The following EDRF1 variants were observed in gnomAD, a reference collection of about 807,000 sequenced individuals.
The protein encoded by EDRF1 is erythroid differentiation-related factor 1.
In EDRF1, 69 loss-of-function variants were observed where a neutral mutation model predicts 148.7. The observed-to-expected ratio is 0.46, with a 90% CI of 0.38 to 0.57. The LOEUF (loss-of-function observed/expected upper bound fraction) is 0.57, where lower values mean the gene tolerates loss of function less well. Ranked by LOEUF, EDRF1 falls within the 20% of genes least tolerant of loss-of-function variation. EDRF1 has a pLI of 0.00. For missense variants in EDRF1, 1,118 were observed against 1,478.7 expected (o/e 0.76, Z 4.00); for synonymous variants, 515 against 532.8 (o/e 0.97, Z 0.46).
chr10:125,737,950 A>G lies in EDRF1; in HGVS notation c.1791A>G (p.Thr597=). 1.9e-6 allele frequency: 3 copies of G among 1,614,056 alleles called. No homozygotes were observed. The highest frequency in any genetic ancestry group is 1.3e-5 in the African/African-American group (1 of 75,058). Residue 597 remains threonine, a synonymous_variant, in exon 14 of 25, where the codon ACA becomes ACG. Coordinates refer to ENST00000356792, the MANE Select transcript of EDRF1 (RefSeq NM_001202438.2). ...PSCAFPVCHD[T]EERCRLVLSY... ...GTGCATTTCCAGTTTGCCATGACAC[A>G]GAAGAGCGCTGTAGACTTGTGCTTA...
chr10:125,729,205 A>T, intron 7 of EDRF1, 101 bp downstream of exon 7: 1 of 1,443,524 alleles, frequency 6.9e-7, no homozygotes, highest in Non-Finnish European at 9.4e-7. Flanking sequence ...ACTCCACTTG[A>T]TCCTGAAACT....
Position 125,749,569 on chromosome 10 carries a change from A to G in EDRF1, c.3277+4A>G. On this transcript the variant is annotated splice_donor_region_variant and intron_variant, in intron 22 of 24. Coordinates refer to ENST00000356792, the MANE Select transcript of EDRF1 (RefSeq NM_001202438.2). Reference sequence around the variant, plus strand: ...TTTGCTGAATTTCAGATGACCAGTAAGTCTTAATTTTCATTTCTCAGATAT... The same window carrying G: ...TTTGCTGAATTTCAGATGACCAGTAGGTCTTAATTTTCATTTCTCAGATAT... 1 of 1,613,928 alleles carries G rather than the reference A, an allele frequency of 6.2e-7. No individual in the cohort carries two copies.
At chr10:125,762,425 A>G (rs1850234715) in intron 24 of EDRF1, among the ~76,000 whole-genome samples, 1 of 152,010 alleles carries the variant, frequency 6.6e-6, no homozygotes, top group Non-Finnish European at 1.5e-5. Context: ...GACACTGAAA[A>G]GAGTTGTGGA....
chr10:125,737,875 A>G, intron 13 of EDRF1, 43 bp from the exon 14 acceptor site: 1 of 1,572,570 alleles, frequency 6.4e-7, no homozygotes, highest in Non-Finnish European at 8.7e-7. Flanking sequence ...GTTGACCTTA[A>G]TACATTGGTA....
At chr10:125,721,111 C>A in intron 1 of EDRF1, 93 bp from the exon 2 acceptor site, 1 of 1,223,376 alleles carries the variant, frequency 8.2e-7, no homozygotes, top group Non-Finnish European at 1.2e-6. Flanking sequence ...CCTTGTGAAG[C>A]CTGGTGTGAC....
At chr10:125,728,946 G>A in intron 6 of EDRF1, 57 bp from the exon 7 acceptor site, 1 of 1,377,916 alleles carries the variant, frequency 7.3e-7, no homozygotes. Context: ...TCAAAAGTGG[G>A]TCAATTTTAA....
intron 16 of EDRF1, 24 bp from the exon 17 acceptor site, chr10:125,740,977 C>G: frequency 6.2e-7 from 1 of 1,609,166 alleles, no homozygotes; most frequent in Non-Finnish European, 8.5e-7. Flanking sequence ...TGTGTTTTTT[C>G]TTCTTCCCTC....
chr10:125,729,062 A>G lies in EDRF1; in HGVS notation c.852A>G (p.Glu284=). 6.3e-7 allele frequency: 1 copy of G among 1,580,316 alleles called. No individual in the cohort carries two copies. The highest frequency in any genetic ancestry group is 8.5e-7 in the Non-Finnish European group (1 of 1,170,566). The change falls in exon 7 of 25, where the codon GAA becomes GAG. Residue 284 remains glutamate (E), a synonymous_variant. Transcript: ENST00000356792. ...GGCATGTGGCCTCAGCCCCCAAAGA[A>G]CAAAACCTGATTACTTTATTCAATG... ...IVGHVASAPK[E]QNLITLFNDG... is the part of the protein sequence containing the mutation.
At chr10:125,719,944 A>G (rs751426250) in intron 1 of EDRF1, 29 bp downstream of exon 1, 3 of 1,596,346 alleles carry the variant, frequency 1.9e-6, no homozygotes, top group Non-Finnish European at 2.6e-6. Context: ...GGGACCTGCC[A>G]GGGATGTGGG....
rs954776919 is a variant in EDRF1 at position 125,732,575 on chromosome 10, T to C, written c.1129-829T>C. On this transcript the variant is annotated intron_variant, in intron 9 of 24. Coordinates refer to ENST00000356792, the MANE Select transcript of EDRF1 (RefSeq NM_001202438.2). ...ATAGGGGTAAAAATAGAAGGGCATT[T>C]AGAGAGAGAGAAGGAGAACAAGAAT... Among the ~76,000 whole-genome samples, 3 of 152,040 alleles carry C rather than the reference T, an allele frequency of 2.0e-5. No homozygotes were observed. The East Asian group carries it at 5.8e-4, about 29-fold the overall frequency.
intron 2 of EDRF1, among the ~76,000 whole-genome samples, chr10:125,722,535 G>A (rs888152237): frequency 3.9e-5 from 6 of 152,166 alleles, no homozygotes; most frequent in African/African-American, 4.8e-5. Flanking sequence ...CAGGTGGTAC[G>A]TGGCATCAGT....
In EDRF1 at chr10:125,763,034, CAAG is replaced by C. The variant is rs1341664946; in HGVS notation, c.3546-265_3546-263del. On this transcript the variant is annotated intron_variant, in intron 24 of 24. Transcript: ENST00000356792. This position sits in a 1 kb window ranked among gnomAD's most constrained non-coding sequence, Gnocchi z 4.3. ...TCTTTTTGCCTGTTTTGTTCTCTGT[CAAG>C]AGCAATTCCTAGTACATAATAGGCA... Among the ~76,000 whole-genome samples, 3 of 152,024 alleles carry C rather than the reference CAAG, an allele frequency of 2.0e-5. No homozygotes were observed. Among genetic ancestry groups the C allele is most frequent in the Admixed American group, 2.0e-4 (3 of 15,262 alleles).
In EDRF1 at chr10:125,735,778, C is replaced by T; in HGVS notation, c.1632C>T (p.Asp544=). 6.2e-7 allele frequency: 1 copy of T among 1,613,766 alleles called. No individual in the cohort carries two copies. The stretch of plus-strand genomic sequence containing the variant: ...GTGAAGAGGAGGAAGAGATGCCCGA[C>T]AGTGATGAAAATGGATCCTATAGCA... ...SYSEEEEEMP[D]SDENGSYSTS... Residue 544 remains aspartate (D), a synonymous_variant, in exon 13 of 25, where the codon GAC becomes GAT. Transcript: ENST00000356792.
intron 4 of EDRF1, among the ~76,000 whole-genome samples, 158 bp downstream of exon 4, chr10:125,724,094 GA>G (rs1427780466): frequency 6.6e-6 from 1 of 151,924 alleles, no homozygotes; most frequent in African/African-American, 2.4e-5. Context: ...CTTGAATGAA[GA>G]AAAAAGAAGA....
chr10:125,738,449 A>C lies in EDRF1; in HGVS notation c.1981+4A>C. ...ATGGCCTTGTTTTTGGACAAAAGTA[A>C]GTTGAATTGATGTGCAAATAAGGCC... On this transcript the variant is annotated splice_donor_region_variant and intron_variant, in intron 15 of 24. Coordinates refer to ENST00000356792, the MANE Select transcript of EDRF1 (RefSeq NM_001202438.2). 1 of 1,614,058 alleles carries C rather than the reference A, an allele frequency of 6.2e-7. No homozygotes were observed.
At chr10:125,732,613 A>C (rs968528215) in intron 9 of EDRF1, among the ~76,000 whole-genome samples, 2 of 152,168 alleles carry the variant, frequency 1.3e-5, no homozygotes, top group African/African-American at 4.8e-5. Context: ...CACAGATTAA[A>C]ATACAGGAAA....
chr10:125,743,005 G>C, intron 17 of EDRF1, 53 bp from the exon 18 acceptor site: 1 of 1,598,982 alleles, frequency 6.3e-7, no homozygotes, highest in Non-Finnish European at 8.5e-7. Context: ...TTTGGATACT[G>C]AGGAAGAAGG....
At chr10:125,722,169 C>T (rs1848039492) in intron 2 of EDRF1, among the ~76,000 whole-genome samples, 1 of 152,146 alleles carries the variant, frequency 6.6e-6, no homozygotes, top group South Asian at 2.1e-4. Flanking sequence ...TTGGGAATAA[C>T]CCAAATATCA....
At chr10:125,737,660 G>T (rs756951600) in intron 13 of EDRF1, among the ~76,000 whole-genome samples, 1 of 152,064 alleles carries the variant, frequency 6.6e-6, no homozygotes, top group African/African-American at 2.4e-5. Flanking sequence ...GTCCAGTATC[G>T]GTGCTAATTA....
Sources: allele counts gnomAD v4.1 joint callset (sites outside exome capture counted in the v4.1 genomes callset), GRCh38; gene constraint gnomAD v4.1.1; non-coding constraint Gnocchi (gnomAD v3.1); transcripts MANE v1.5; gene names NCBI Gene and HGNC (gene_info 2026-07-23, HGNC 2026-07-21).